The following RIMS1 variants were observed in gnomAD, a reference collection of about 807,000 sequenced individuals.
The protein encoded by RIMS1 is regulating synaptic membrane exocytosis protein 1.
In RIMS1, 83 loss-of-function variants were observed where a neutral mutation model predicts 214.1. The ratio of observed to expected loss-of-function variants is 0.39; its 90% CI spans 0.32 to 0.47. The LOEUF is 0.47. RIMS1 is among the 20% of genes least tolerant of loss of function. RIMS1 has a pLI of 0.99. For synonymous variants in RIMS1, 793 were observed against 786.8 expected, an observed-to-expected ratio of 1.01 and a Z score of -0.13; for missense variants, 2,050 against 2,161.8, an observed-to-expected ratio of 0.95 and a Z score of 1.03.
chr6:72,012,079 C>T (rs147774969), intron 2 of RIMS1, among the ~76,000 whole-genome samples: 80 of 152,254 alleles, frequency 5.3e-4, no homozygotes, highest in African/African-American at 1.9e-3. Context: ...TGGATCCAAC[C>T]CAAATGTCCA....
At chr6:71,999,045 TG>T (rs1268543470) in intron 2 of RIMS1, among the ~76,000 whole-genome samples, 3 of 152,126 alleles carry the variant, frequency 2.0e-5, no homozygotes, top group Admixed American at 2.0e-4. Flanking sequence ...ATTGTTATGA[TG>T]TTTTTTCTAC....
At chr6:71,953,043 T>C (rs917285254) in intron 1 of RIMS1, among the ~76,000 whole-genome samples, 9 of 151,534 alleles carry the variant, frequency 5.9e-5, no homozygotes, top group African/African-American at 1.7e-4. Context: ...CTGGACTGCA[T>C]TGGTGCGATC....
At chr6:71,899,328 G>C (rs1772844699) in intron 1 of RIMS1, among the ~76,000 whole-genome samples, 2 of 151,836 alleles carry the variant, frequency 1.3e-5, no homozygotes, top group South Asian at 4.1e-4. Flanking sequence ...AAAGCCAGTT[G>C]ATTTTTGCTT....
intron 2 of RIMS1, among the ~76,000 whole-genome samples, chr6:72,071,294 G>A (rs555946067): frequency 1.3e-5 from 2 of 152,078 alleles, no homozygotes; most frequent in African/African-American, 4.8e-5. Context: ...CCAGCTGCTT[G>A]GGAGGCTGAG....
At chr6:71,922,647 C>A (rs1312508874) in intron 1 of RIMS1, among the ~76,000 whole-genome samples, 1 of 152,018 alleles carries the variant, frequency 6.6e-6, no homozygotes, top group Non-Finnish European at 1.5e-5. Flanking sequence ...TCCCAAAATC[C>A]TTTTTGAATG....
intron 6 of RIMS1, among the ~76,000 whole-genome samples, chr6:72,201,763 T>G (rs1246365955): frequency 6.6e-6 from 1 of 152,170 alleles, no homozygotes; most frequent in Non-Finnish European, 1.5e-5. Context: ...TTTAACATAT[T>G]CCTGAGTCCA....
intron 1 of RIMS1, among the ~76,000 whole-genome samples, chr6:71,891,386 C>A (rs1243889527): frequency 6.6e-6 from 1 of 152,206 alleles, no homozygotes; most frequent in Non-Finnish European, 1.5e-5. Context: ...CTTAACAGGT[C>A]ACCTAGCATT....
At chr6:72,378,523 T>G (rs1215899606) in intron 29 of RIMS1, among the ~76,000 whole-genome samples, 1 of 152,186 alleles carries the variant, frequency 6.6e-6, no homozygotes, top group African/African-American at 2.4e-5. Flanking sequence ...TTCAGAATAT[T>G]AAACTATTAG....
intron 23 of RIMS1, among the ~76,000 whole-genome samples, chr6:72,279,881 A>G (rs1279667815): frequency 6.6e-6 from 1 of 151,988 alleles, no homozygotes; most frequent in African/African-American, 2.4e-5. Flanking sequence ...AATGTCCTAT[A>G]GACTCTAAAA....
intron 2 of RIMS1, among the ~76,000 whole-genome samples, chr6:72,088,760 T>C (rs9351886): frequency 2.0e-5 from 3 of 152,144 alleles, no homozygotes; most frequent in East Asian, 3.9e-4. Context: ...GTAATACTAA[T>C]TTTCTATGAA....
chr6:72,274,428 G>A lies in RIMS1; in HGVS notation c.3478G>A (p.Asp1160Asn). 6.2e-7 allele frequency: 1 copy of A among 1,611,644 alleles called. No homozygotes were observed. The highest frequency in any genetic ancestry group is 8.5e-7 in the Non-Finnish European group (1 of 1,177,958). ...IQIQHASPEN[D>N]RHSRKSERSS... is the part of the protein sequence containing the mutation. ...AATCCAGCATGCGTCTCCGGAGAAT[G>A]ACAGGTACTAGTCAACTCCTCCTCA... is the stretch of plus-strand genomic sequence containing the variant. The change falls in exon 23 of 34, where the codon GAC (aspartate) becomes AAC (asparagine). Residue 1160 changes from aspartate to asparagine, a missense_variant. This residue lies in a region of RIMS1 where 889 missense variants were observed against 885.5 expected (regional missense o/e 1.00). Transcript: ENST00000521978.
intron 2 of RIMS1, among the ~76,000 whole-genome samples, chr6:71,969,637 C>G (rs916082143): frequency 6.6e-6 from 1 of 151,976 alleles, no homozygotes; most frequent in Non-Finnish European, 1.5e-5. Flanking sequence ...GGTGAAACCC[C>G]GTCTCTACTA....
At chr6:71,975,381 A>T (rs1213877417) in intron 2 of RIMS1, among the ~76,000 whole-genome samples, 1 of 152,182 alleles carries the variant, frequency 6.6e-6, no homozygotes. Context: ...TAGAACTAAT[A>T]AAGTTAGAAT....
chr6:72,213,638 A>G (rs1262330137), intron 6 of RIMS1, among the ~76,000 whole-genome samples: 2 of 152,212 alleles, frequency 1.3e-5, no homozygotes, highest in African/African-American at 4.8e-5. Flanking sequence ...GAAATACATG[A>G]CAAATTGCAG....
chr6:72,213,386 A>G (rs1338326863), intron 6 of RIMS1, among the ~76,000 whole-genome samples: 2 of 152,174 alleles, frequency 1.3e-5, no homozygotes, highest in Admixed American at 6.5e-5. Flanking sequence ...TACCAACTTT[A>G]TCTTTAATCT....
intron 29 of RIMS1, among the ~76,000 whole-genome samples, chr6:72,352,372 A>G (rs2097483082): frequency 6.6e-6 from 1 of 152,154 alleles, no homozygotes; most frequent in African/African-American, 2.4e-5. Context: ...TAGATAAGGA[A>G]ACTAAAACTC....
At chr6:72,282,142 C>T (rs1187269721) in intron 23 of RIMS1, among the ~76,000 whole-genome samples, 4 of 152,128 alleles carry the variant, frequency 2.6e-5, no homozygotes, top group African/African-American at 9.7e-5. Flanking sequence ...AGAAAAGGAG[C>T]ATTTGATCTT....
intron 23 of RIMS1, among the ~76,000 whole-genome samples, chr6:72,282,480 T>C (rs2090609982): frequency 6.6e-6 from 1 of 152,106 alleles, no homozygotes; most frequent in African/African-American, 2.4e-5. Flanking sequence ...CATCTGTTAG[T>C]GATATCCCAG....
At chr6:72,104,589 GGA>G (rs145772245) in intron 4 of RIMS1, among the ~76,000 whole-genome samples, 1 of 152,178 alleles carries the variant, frequency 6.6e-6, no homozygotes, top group South Asian at 2.1e-4. Context: ...TCAGAACTGG[GGA>G]GAGAGAGAGC....
Sources: allele counts gnomAD v4.1 joint callset (sites outside exome capture counted in the v4.1 genomes callset), GRCh38; gene constraint gnomAD v4.1.1; regional missense constraint gnomAD v4.1.1; transcripts MANE v1.5; gene names NCBI Gene and HGNC (gene_info 2026-07-23, HGNC 2026-07-21).